Variants in ANKRD44 observed in about 807,000 individuals in gnomAD.
The protein encoded by ANKRD44 is ankyrin repeat domain 44, also known as serine/threonine-protein phosphatase 6 regulatory ankyrin repeat subunit B.
Under a neutral mutation model 116.0 loss-of-function variants are expected in ANKRD44, and 35 were observed. That is an observed-to-expected ratio of 0.30 (90% confidence interval 0.23 to 0.40). The LOEUF is 0.40. ANKRD44 is among the 10% of genes least tolerant of loss of function. The pLI is 1.00. For missense variants in ANKRD44, 1,014 were observed against 1,242.6 expected (o/e 0.82, Z 2.77); for synonymous variants, 435 against 461.8 (o/e 0.94, Z 0.74).
At chr2:197,163,579 T>A (rs1451906653) in intron 2 of ANKRD44, among the ~76,000 whole-genome samples, 2 of 152,162 alleles carry the variant, frequency 1.3e-5, no homozygotes, top group African/African-American at 4.8e-5. Flanking sequence ...AATCTAGATG[T>A]TGGAACAGTC....
At chr2:197,047,387 C>T (rs2077021880) in intron 16 of ANKRD44, among the ~76,000 whole-genome samples, 1 of 152,140 alleles carries the variant, frequency 6.6e-6, no homozygotes, top group Non-Finnish European at 1.5e-5. Context: ...CACGAAATAC[C>T]ATGGCTTCTA....
chr2:197,001,683 C>G, intron 22 of ANKRD44, 70 bp downstream of exon 22: 4 of 1,245,858 alleles, frequency 3.2e-6, no homozygotes, highest in Non-Finnish European at 4.6e-6. Context: ...TTTTTCCCTA[C>G]AAAGCAACTT....
chr2:197,292,508 A>G (rs1232280969), intron 1 of ANKRD44, among the ~76,000 whole-genome samples: 6 of 152,256 alleles, frequency 3.9e-5, no homozygotes, highest in Non-Finnish European at 8.8e-5. Context: ...AACACATTTT[A>G]AACAGTGATA....
intron 12 of ANKRD44, among the ~76,000 whole-genome samples, chr2:197,087,650 T>C (rs973312608): frequency 1.3e-5 from 2 of 152,202 alleles, no homozygotes; most frequent in Non-Finnish European, 2.9e-5. Flanking sequence ...CCACCCTTTA[T>C]AGCCACCTTC....
At chr2:197,064,560 T>C (rs2077390181) in intron 16 of ANKRD44, among the ~76,000 whole-genome samples, 1 of 152,172 alleles carries the variant, frequency 6.6e-6, no homozygotes, top group African/African-American at 2.4e-5. Context: ...GAGACTCATC[T>C]CATGTGCAGA....
chr2:196,998,947 T>C lies in ANKRD44; in HGVS notation c.2625A>G (p.Ala875=), dbSNP rs762353200. ...GCCCATTCTCAGCAGCCATCATCAGTGCTGTTTTCCCTGAATTATCTACTG... is the reference window on the plus strand; with the variant it reads ...GCCCATTCTCAGCAGCCATCATCAGCGCTGTTTTCCCTGAATTATCTACTG... ...VNAVDNSGKT[A]LMMAAENGQA... is the part of the protein sequence containing the mutation. Residue 875 remains alanine, a synonymous_variant, in exon 24 of 28, where the codon GCA becomes GCG. Transcript: ENST00000282272. The C allele has an allele frequency of 3.1e-6, 5 of 1,614,218 alleles. No homozygotes were observed. Among genetic ancestry groups the C allele is most frequent in the East Asian group, 2.2e-5 (1 of 44,888 alleles).
chr2:197,066,207 G>A (rs1574387678), intron 16 of ANKRD44, among the ~76,000 whole-genome samples: 1 of 152,172 alleles, frequency 6.6e-6, no homozygotes, highest in East Asian at 1.9e-4. Context: ...TATCTCAATA[G>A]ATGCAGAAAT....
chr2:197,106,754 C>T (rs569540524), intron 9 of ANKRD44, among the ~76,000 whole-genome samples: 14 of 150,974 alleles, frequency 9.3e-5, no homozygotes, highest in Admixed American at 4.0e-4. Flanking sequence ...GGTGCCACTG[C>T]ACTCCAGCCT....
chr2:196,998,847 T>G (rs2076061824), intron 24 of ANKRD44, 60 bp downstream of exon 24: 1 of 1,587,830 alleles, frequency 6.3e-7, no homozygotes, highest in Admixed American at 1.8e-5. Context: ...ATTTCTTGAT[T>G]TGACATTATT....
intron 2 of ANKRD44, among the ~76,000 whole-genome samples, chr2:197,183,051 G>A (rs903816657): frequency 6.6e-6 from 1 of 152,192 alleles, no homozygotes; most frequent in African/African-American, 2.4e-5. Context: ...AGAAAAGGGT[G>A]AGAGAATAGA....
In ANKRD44 at chr2:196,987,536, C is replaced by T. The variant is rs2075851729; in HGVS notation, c.*2055G>A. On this transcript the variant is annotated 3_prime_UTR_variant, in exon 28 of 28. Transcript: ENST00000282272. ...CAAAGAATAACTAGTGCAGCAAATC[C>T]ATTTGATGTTCTTGTTCTAATTTAA... The T allele has an allele frequency of 2.0e-6, 2 of 985,396 alleles. No homozygotes were observed. Among genetic ancestry groups the T allele is most frequent in the African/African-American group, 1.7e-5 (1 of 57,372 alleles). The allele number at this position is 985,396 out of a possible 1,614,324, so 61.0% of individuals were successfully genotyped here.
chr2:197,194,745 GATAGATATAGA>G (rs1559139775), intron 1 of ANKRD44, among the ~76,000 whole-genome samples: 1 of 152,162 alleles, frequency 6.6e-6, no homozygotes, highest in African/African-American at 2.4e-5. Context: ...TAGATAGATA[GATAGATATAGA>G]TATAATTCCT....
chr2:197,269,975 A>G (rs2082851942), intron 1 of ANKRD44, among the ~76,000 whole-genome samples: 1 of 152,196 alleles, frequency 6.6e-6, no homozygotes, highest in South Asian at 2.1e-4. Context: ...AATTCTGGAT[A>G]GGACACTTCC....
intron 12 of ANKRD44, among the ~76,000 whole-genome samples, chr2:197,087,966 T>C (rs80290657): frequency 6.6e-6 from 1 of 152,332 alleles, no homozygotes; most frequent in African/African-American, 2.4e-5. Flanking sequence ...CTCTGATAAA[T>C]AGGTAATGCC....
chr2:197,143,840 G>T (rs2079434324), intron 3 of ANKRD44, among the ~76,000 whole-genome samples: 1 of 152,090 alleles, frequency 6.6e-6, no homozygotes, highest in Non-Finnish European at 1.5e-5. Context: ...TGTTGGCCAG[G>T]CTGGTCTTGA....
chr2:196,969,775 A>T (rs1459546976), intron 21 of ANKRD44, among the ~76,000 whole-genome samples: 1 of 152,232 alleles, frequency 6.6e-6, no homozygotes, highest in African/African-American at 2.4e-5. Flanking sequence ...AGGTAAATCA[A>T]TCATTCTATT....
At chr2:197,049,003 A>G (rs529785302) in intron 16 of ANKRD44, among the ~76,000 whole-genome samples, 42 of 151,856 alleles carry the variant, frequency 2.8e-4, no homozygotes, top group African/African-American at 9.7e-4. Context: ...GTGTCTGTTC[A>G]TATCCTTTAG....
At chr2:197,266,317 T>TA (rs1233855957) in intron 1 of ANKRD44, among the ~76,000 whole-genome samples, 1 of 151,948 alleles carries the variant, frequency 6.6e-6, no homozygotes, top group Non-Finnish European at 1.5e-5. Flanking sequence ...AAATAACAGC[T>TA]AAGAACTTTC....
At chr2:196,971,398 C>T (rs1193641595) in intron 21 of ANKRD44, among the ~76,000 whole-genome samples, 1 of 152,070 alleles carries the variant, frequency 6.6e-6, no homozygotes, top group Non-Finnish European at 1.5e-5. Flanking sequence ...AGTCTCTCAC[C>T]CAGGCTGGAG....
Sources: allele counts gnomAD v4.1 joint callset (sites outside exome capture counted in the v4.1 genomes callset), GRCh38; gene constraint gnomAD v4.1.1; transcripts MANE v1.5; gene names NCBI Gene and HGNC (gene_info 2026-07-23, HGNC 2026-07-21).